DENND1A: variants seen among roughly 807,000 people sequenced by gnomAD.
DENND1A encodes the protein DENN domain containing 1A, also known as DENN domain-containing protein 1A.
DENND1A carries 51 observed loss-of-function variants against 113.7 expected under a neutral mutation model. That is an observed-to-expected ratio of 0.45 (90% CI 0.36 to 0.57). DENND1A has a LOEUF of 0.57. Among genes scored for constraint, DENND1A ranks in the 20% least tolerant of loss-of-function variants. DENND1A has a pLI of 0.00. For missense variants in DENND1A, 1,258 were observed against 1,395.9 expected (o/e 0.90, Z 1.57); for synonymous variants, 565 against 570.8 (o/e 0.99, Z 0.14).
chr9:123,417,892 G>T lies in DENND1A; in HGVS notation c.1489-6063C>A, dbSNP rs141814389. Reference sequence around the variant, plus strand: ...AAGGTCTCTGCCATAGATTGGGGGGGGGGCAGTGGTAGGGAGTGCAGGGAC... The same window carrying T: ...AAGGTCTCTGCCATAGATTGGGGGGTGGGCAGTGGTAGGGAGTGCAGGGAC... On this transcript the variant is annotated intron_variant, in intron 19 of 23. Transcript: ENST00000394215. Among the ~76,000 whole-genome samples the T allele has an allele frequency of 3.6e-3, 542 of 152,026 alleles. 2 individuals are homozygous for T. The highest frequency in any genetic ancestry group is 0.01 in the Middle Eastern group (3 of 294).
At chr9:123,495,910 G>A (rs1280507698) in intron 13 of DENND1A, among the ~76,000 whole-genome samples, 1 of 152,268 alleles carries the variant, frequency 6.6e-6, no homozygotes, top group Non-Finnish European at 1.5e-5. Context: ...CCCGACAGCA[G>A]CTTAATGTTG....
intron 2 of DENND1A, among the ~76,000 whole-genome samples, chr9:123,824,458 AGTACCTGCTGGT>A (rs375491784): frequency 2.6e-5 from 4 of 152,348 alleles, no homozygotes; most frequent in African/African-American, 9.6e-5. Flanking sequence ...AATTTTGTAT[AGTACCTGCTGGT>A]AAATCAATTT....
rs1280491914 is a variant in DENND1A, at chr9:123,531,566, C to CT, written c.993+26003_993+26004insA. On this transcript the variant is annotated intron_variant, in intron 13 of 23. Coordinates refer to ENST00000394215, the MANE Select transcript of DENND1A (RefSeq NM_001352964.2). ...CCCCCTCTCTCTCTACACACACACA[C>CT]ACACACACACACACACACACACACA... is the stretch of plus-strand genomic sequence containing the variant. Among the ~76,000 whole-genome samples, 714 of 113,958 alleles carry CT rather than the reference C, an allele frequency of 6.3e-3. 8 individuals carry two copies. Among genetic ancestry groups the CT allele is most frequent in the African/African-American group, 0.021 (636 of 30,596 alleles). 74.8% of individuals were successfully genotyped at this position (113,958 alleles called of 152,430 possible). A position where few individuals can be genotyped will look rare whatever the true frequency, so the allele number is the denominator to read the frequency against.
intron 10 of DENND1A, among the ~76,000 whole-genome samples, chr9:123,628,266 G>A (rs146691461): frequency 2.2e-4 from 33 of 151,868 alleles, no homozygotes; most frequent in African/African-American, 7.2e-4. Context: ...AGGAGATGTG[G>A]ACATCTCAAC....
intron 11 of DENND1A, among the ~76,000 whole-genome samples, chr9:123,587,640 T>G (rs1002006670): frequency 2.6e-5 from 4 of 152,204 alleles, no homozygotes; most frequent in African/African-American, 9.6e-5. Flanking sequence ...ATCTTGGTGA[T>G]GTGAAACCTC....
intron 13 of DENND1A, among the ~76,000 whole-genome samples, chr9:123,482,047 A>G (rs10818822): frequency 0.095 from 14,367 of 151,110 alleles, 693 homozygotes; most frequent in South Asian, 0.12. Context: ...CAAGTGATCC[A>G]CCTGCCTCGG....
intron 2 of DENND1A, among the ~76,000 whole-genome samples, chr9:123,848,312 G>A (rs544946532): frequency 6.9e-6 from 1 of 144,486 alleles, no homozygotes; most frequent in Non-Finnish European, 1.5e-5. Context: ...CTGTCTCTGT[G>A]TCACATTTTG....
chr9:123,658,868 G>A (rs1243149038), intron 8 of DENND1A, among the ~76,000 whole-genome samples: 2 of 152,190 alleles, frequency 1.3e-5, no homozygotes, highest in Non-Finnish European at 2.9e-5. Context: ...TTACACATAT[G>A]ATGAGCAATT....
intron 2 of DENND1A, among the ~76,000 whole-genome samples, chr9:123,801,465 C>G (rs560558171): frequency 2.6e-5 from 4 of 152,324 alleles, no homozygotes; most frequent in African/African-American, 9.6e-5. Context: ...CAATTCCCTT[C>G]CTTTTCACAG....
chr9:123,755,257 G>C lies in DENND1A; in HGVS notation c.302+2446C>G, dbSNP rs536793622. Among the ~76,000 whole-genome samples the C allele has an allele frequency of 1.5e-3, 233 of 151,640 alleles. 1 individual carries two copies. Among genetic ancestry groups the C allele is most frequent in the African/African-American group, 5.4e-3 (222 of 41,332 alleles). On this transcript the variant is annotated intron_variant, in intron 5 of 23. Coordinates refer to ENST00000394215, the MANE Select transcript of DENND1A (RefSeq NM_001352964.2). ...CATGCCTCAGCCACCCAAGTAGTTG[G>C]GATTACAGGCACCTGCCACCACTCC...
intron 5 of DENND1A, among the ~76,000 whole-genome samples, chr9:123,741,414 C>A (rs2069012196): frequency 6.6e-6 from 1 of 152,190 alleles, no homozygotes; most frequent in African/African-American, 2.4e-5. Flanking sequence ...ACTCTGTAAG[C>A]AGAATAACTA....
At chr9:123,589,542 G>T (rs1453235674) in intron 11 of DENND1A, among the ~76,000 whole-genome samples, 1 of 143,514 alleles carries the variant, frequency 7.0e-6, no homozygotes, top group Admixed American at 7.3e-5. Flanking sequence ...CCGGTAGCTT[G>T]TCCCACCAAC....
At chr9:123,582,245 C>A (rs544973050) in intron 12 of DENND1A, among the ~76,000 whole-genome samples, 2 of 152,268 alleles carry the variant, frequency 1.3e-5, no homozygotes, top group East Asian at 3.9e-4. Flanking sequence ...GAGGGAGCTG[C>A]CCTGATCTCT....
intron 1 of DENND1A, among the ~76,000 whole-genome samples, chr9:123,882,571 A>T (rs908409576): frequency 3.3e-5 from 5 of 152,140 alleles, no homozygotes; most frequent in African/African-American, 9.7e-5. Flanking sequence ...ACCATCCTTG[A>T]TAGATCACTA....
chr9:123,661,550 T>A (rs1004851334), intron 8 of DENND1A, among the ~76,000 whole-genome samples: 1 of 152,228 alleles, frequency 6.6e-6, no homozygotes, highest in Non-Finnish European at 1.5e-5. Flanking sequence ...GAGAGGCCAC[T>A]GCCCCCAAAA....
chr9:123,511,698 C>A (rs1256840935), intron 13 of DENND1A, among the ~76,000 whole-genome samples: 3 of 152,206 alleles, frequency 2.0e-5, no homozygotes, highest in African/African-American at 7.2e-5. Context: ...AGTATTTGCA[C>A]CCCCACCCAC....
chr9:123,586,421 G>C (rs1302463777), intron 11 of DENND1A, among the ~76,000 whole-genome samples: 3 of 152,200 alleles, frequency 2.0e-5, no homozygotes, highest in Admixed American at 2.0e-4. Context: ...AAGCTCTGTG[G>C]AGTGTTTACT....
intron 2 of DENND1A, among the ~76,000 whole-genome samples, chr9:123,833,574 A>C (rs1437614469): frequency 1.3e-5 from 2 of 152,184 alleles, no homozygotes; most frequent in African/African-American, 4.8e-5. Flanking sequence ...AGTAAAAAAA[A>C]GTCATCATGA....
intron 13 of DENND1A, among the ~76,000 whole-genome samples, chr9:123,513,277 G>A (rs955467849): frequency 6.6e-6 from 1 of 152,238 alleles, no homozygotes; most frequent in African/African-American, 2.4e-5. Flanking sequence ...TTCAGAGCCA[G>A]AGACTGAGAT....
Sources: gnomAD v4.1 joint callset for allele counts (sites outside exome capture counted in the v4.1 genomes callset) on GRCh38, gnomAD v4.1.1 for gene constraint, MANE v1.5 for transcripts, NCBI Gene and HGNC (gene_info 2026-07-23, HGNC 2026-07-21) for gene names.